TBC1D20: variants seen among roughly 807,000 people sequenced by gnomAD.
TBC1D20 encodes TBC1 domain family member 20.
A neutral mutation model predicts 41.6 loss-of-function variants in TBC1D20; 12 were observed. That is an observed-to-expected ratio of 0.29 (90% CI 0.18 to 0.47). TBC1D20 has a LOEUF of 0.47. Among genes scored for constraint, TBC1D20 ranks in the 20% least tolerant of loss-of-function variants. TBC1D20 has a pLI of 1.00. For synonymous variants in TBC1D20, 205 were observed against 204.8 expected (o/e 1.00, Z -0.01); for missense variants, 421 against 517.4 (o/e 0.81, Z 1.81).
At position 447,477 on chromosome 20, in the gene TBC1D20, G is replaced by GC. The variant is rs2017358172; in HGVS notation, c.256+411dup. On this transcript the variant is annotated intron_variant, in intron 2 of 7. Transcript: ENST00000354200. ...ATTCGAGACCAGCCTGGTCAACATG[G>GC]CAAAACCCCATCTCTACTAAAAATA... Among the ~76,000 whole-genome samples, 4 of 151,716 alleles carry GC rather than the reference G, an allele frequency of 2.6e-5. No homozygotes were observed. The South Asian group carries it at 8.3e-4, about 32-fold the overall frequency.
rs999378827 is a variant in TBC1D20, at chr20:462,439, G to A, written c.-34C>T. ...GCCCCGGGCCCCCACCCGAGCCCCGGCTGGTGGCGGAGCCGGGAGAAGACG... is the reference window on the plus strand; with the variant it reads ...GCCCCGGGCCCCCACCCGAGCCCCGACTGGTGGCGGAGCCGGGAGAAGACG... On this transcript the variant is annotated 5_prime_UTR_variant, in exon 1 of 8. Transcript: ENST00000354200. 2.6e-5 allele frequency: 30 copies of A among 1,172,586 alleles called. No homozygotes were observed. Among genetic ancestry groups the A allele is most frequent in the Non-Finnish European group, 3.0e-5 (28 of 935,544 alleles). 72.6% of individuals were successfully genotyped at this position (1,172,586 alleles called of 1,614,324 possible).
At chr20:453,707 G>A (rs1264557149) in intron 1 of TBC1D20, among the ~76,000 whole-genome samples, 1 of 145,484 alleles carries the variant, frequency 6.9e-6, no homozygotes, top group Non-Finnish European at 1.5e-5. Flanking sequence ...CACCATGCCT[G>A]GCTAATTTTT....
At position 453,515 on chromosome 20, in the gene TBC1D20, C is replaced by T. The variant is rs1322603470; in HGVS notation, c.71-5441G>A. ...CAACAACAACGACAGCAACCACGGA[C>T]GGTGGCTCGTGCCTGTAATCCAGCA... On this transcript the variant is annotated intron_variant, in intron 1 of 7. Transcript: ENST00000354200. Among the ~76,000 whole-genome samples the T allele has an allele frequency of 2.2e-5, 3 of 138,270 alleles. 1 individual carries two copies. Among genetic ancestry groups the T allele is most frequent in the Non-Finnish European group, 4.6e-5 (3 of 65,196 alleles). The allele number at this position is 138,270 out of a possible 152,430, so 90.7% of individuals were successfully genotyped here. A position where few individuals can be genotyped will look rare whatever the true frequency, so the allele number is the denominator to read the frequency against.
chr20:438,939 G>C, intron 7 of TBC1D20, 98 bp from the exon 8 acceptor site: 18 of 1,512,014 alleles, frequency 1.2e-5, no homozygotes, highest in Non-Finnish European at 1.5e-5. Context: ...TTTCATTGCT[G>C]GGAAAGCTCT....
rs2017193518 is a variant in TBC1D20 at position 439,927 on chromosome 20, T to A, written c.768+321A>T. Among the ~76,000 whole-genome samples, 1 of 152,218 alleles carries A rather than the reference T, an allele frequency of 6.6e-6. No homozygotes were observed. ...CAGCTTACGCTACTATTTCCCTAAT[T>A]GTGTTCATCAGCTGAACATATATTC... On this transcript the variant is annotated intron_variant, in intron 6 of 7. Coordinates refer to ENST00000354200, the MANE Select transcript of TBC1D20 (RefSeq NM_144628.4). This position sits in a 1 kb window ranked among gnomAD's most constrained non-coding sequence, Gnocchi z 4.6.
chr20:461,417 T>G (rs1296844913), intron 1 of TBC1D20, among the ~76,000 whole-genome samples: 4 of 152,194 alleles, frequency 2.6e-5, no homozygotes, highest in African/African-American at 7.2e-5. Context: ...CAGGCCGGAG[T>G]GCAGTGGCGC....
chr20:446,104 A>C (rs1012028931), intron 2 of TBC1D20, among the ~76,000 whole-genome samples: 2 of 152,400 alleles, frequency 1.3e-5, no homozygotes, highest in East Asian at 1.9e-4. Context: ...ATATTTGCCA[A>C]CTGAAAGAAT....
chr20:442,690 T>C (rs1315430877), intron 3 of TBC1D20, among the ~76,000 whole-genome samples: 12 of 152,242 alleles, frequency 7.9e-5, no homozygotes, highest in Non-Finnish European at 2.9e-5. Context: ...TTAGGAAATA[T>C]GTCCTGAAAC....
At chr20:448,982 G>C (rs950244197) in intron 1 of TBC1D20, among the ~76,000 whole-genome samples, 5 of 147,174 alleles carry the variant, frequency 3.4e-5, no homozygotes, top group African/African-American at 1.3e-4. Flanking sequence ...AAGTAGCTGG[G>C]ATTTCAGGCA....
intron 1 of TBC1D20, among the ~76,000 whole-genome samples, chr20:453,185 A>AAAAC (rs1568462433): frequency 5.1e-4 from 63 of 123,674 alleles, no homozygotes; most frequent in African/African-American, 2.0e-3. Flanking sequence ...AAAAAAAAAA[A>AAAAC]AAACAGGCTG....
chr20:438,554 AT>A lies in TBC1D20; in HGVS notation c.*31del. 2 of 1,609,364 alleles carry A rather than the reference AT, an allele frequency of 1.2e-6. No individual in the cohort carries two copies. The highest frequency in any genetic ancestry group is 4.5e-5 in the East Asian group (2 of 44,778). ...CCTTCCATGGAAGGGTGAGACCTTAATGTGATGTAAGAGGAAGGTCTTCTCT... is the reference window on the plus strand; with the variant it reads ...CCTTCCATGGAAGGGTGAGACCTTAAGTGATGTAAGAGGAAGGTCTTCTCT... On this transcript the variant is annotated 3_prime_UTR_variant, in exon 8 of 8. Coordinates refer to ENST00000354200, the MANE Select transcript of TBC1D20 (RefSeq NM_144628.4).
At position 462,399 on chromosome 20, in the gene TBC1D20, G is replaced by A; in HGVS notation, c.7C>T (p.Leu3Phe). The change falls in exon 1 of 8, where the codon CTC (leucine) becomes TTC (phenylalanine). Residue 3 changes from leucine to phenylalanine, a missense_variant. Transcript: ENST00000354200. Reference sequence around the variant, plus strand: ...GGGCCGTCGCCCTGCGCACTCCGGAGGGCCATGCCCCGGGGCCCCGGGCCC... The same window carrying A: ...GGGCCGTCGCCCTGCGCACTCCGGAAGGCCATGCCCCGGGGCCCCGGGCCC... MA[L>F]RSAQGDGPTS... 1.6e-6 allele frequency: 2 copies of A among 1,267,028 alleles called. No individual in the cohort carries two copies. Among genetic ancestry groups the A allele is most frequent in the Middle Eastern group, 3.0e-4 (1 of 3,304 alleles). 78.5% of individuals were successfully genotyped at this position (1,267,028 alleles called of 1,614,324 possible). A position where few individuals can be genotyped will look rare whatever the true frequency, so the allele number is the denominator to read the frequency against.
At chr20:445,517 A>G (rs1393497955) in intron 2 of TBC1D20, among the ~76,000 whole-genome samples, 2 of 150,732 alleles carry the variant, frequency 1.3e-5, no homozygotes, top group Non-Finnish European at 2.9e-5. Context: ...TGAATGTGGG[A>G]ACAACAGACC....
chr20:445,120 T>C lies in TBC1D20; in HGVS notation c.267A>G (p.Leu89=). Residue 89 remains leucine, a synonymous_variant, in exon 3 of 8, where the codon CTA becomes CTG. Transcript: ENST00000354200. The part of the protein sequence containing the change: ...NDPPPISGKN[L]RQMSKDYQQV... ...GTTGGTAGTCCTTGCTCATCTGCCG[T>C]AGGTTCTTCCCTATTGAAGGAAAAG... 1.9e-6 allele frequency: 3 copies of C among 1,597,306 alleles called. No individual in the cohort carries two copies. Among genetic ancestry groups the C allele is most frequent in the Non-Finnish European group, 2.6e-6 (3 of 1,169,524 alleles).
At chr20:448,688 TG>T (rs1226551670) in intron 1 of TBC1D20, among the ~76,000 whole-genome samples, 16 of 132,460 alleles carry the variant, frequency 1.2e-4, no homozygotes, top group Admixed American at 7.4e-5. Context: ...GACTCCGTCT[TG>T]AAAAAAAAAA....
intron 5 of TBC1D20, 58 bp downstream of exon 5, chr20:441,530 G>A (rs1459640529): frequency 2.5e-5 from 35 of 1,409,844 alleles, no homozygotes; most frequent in Non-Finnish European, 3.5e-5. Flanking sequence ...AGTGTTTCAG[G>A]TGTGGGGGGG....
At chr20:448,200 C>A in intron 1 of TBC1D20, 126 bp from the exon 2 acceptor site, 1 of 626,702 alleles carries the variant, frequency 1.6e-6, no homozygotes, top group Non-Finnish European at 2.7e-6. Context: ...AGACTGCCTG[C>A]TGGCATAAAG....
chr20:449,490 G>GA (rs1233543745), intron 1 of TBC1D20, among the ~76,000 whole-genome samples: 1 of 86,172 alleles, frequency 1.2e-5, no homozygotes, highest in Non-Finnish European at 2.2e-5. Flanking sequence ...AGCTACTCGG[G>GA]AGGCTGAGGC....
chr20:453,175 A>AC (rs2017477344), intron 1 of TBC1D20, among the ~76,000 whole-genome samples: 2 of 145,774 alleles, frequency 1.4e-5, no homozygotes, highest in Non-Finnish European at 3.0e-5. Context: ...AAAAAAAAAA[A>AC]AAAAAAAAAA....
Sources: gnomAD v4.1 joint callset for allele counts (sites outside exome capture counted in the v4.1 genomes callset) on GRCh38, gnomAD v4.1.1 for gene constraint, Gnocchi (gnomAD v3.1) non-coding constraint, MANE v1.5 for transcripts, NCBI Gene and HGNC (gene_info 2026-07-23, HGNC 2026-07-21) for gene names.